MYO10: variants seen among roughly 807,000 people sequenced by gnomAD.
MYO10 encodes myosin X.
In MYO10, 133 loss-of-function variants were observed where a neutral mutation model predicts 257.3. The ratio of observed to expected loss-of-function variants is 0.52; its 90% CI spans 0.45 to 0.60. The LOEUF is 0.60. MYO10 is among the 20% of genes least tolerant of loss of function. The pLI is 0.00. For missense variants in MYO10, 2,399 were observed against 2,635.7 expected (o/e 0.91, Z 1.97); for synonymous variants, 1,104 against 1,028.6 (o/e 1.07, Z -1.40).
At chr5:16,846,241 C>T (rs1743631991) in intron 2 of MYO10, among the ~76,000 whole-genome samples, 2 of 152,180 alleles carry the variant, frequency 1.3e-5, no homozygotes, top group African/African-American at 2.4e-5. Context: ...ATAACACTAC[C>T]GTCTCTAAGT....
At chr5:16,683,613 T>G (rs773198080) in intron 30 of MYO10, among the ~76,000 whole-genome samples, 7 of 152,176 alleles carry the variant, frequency 4.6e-5, no homozygotes, top group Non-Finnish European at 1.0e-4. Context: ...GTATACACAT[T>G]AAAAATATTC....
At chr5:16,811,017 C>T (rs553592103) in intron 3 of MYO10, among the ~76,000 whole-genome samples, 174 of 146,404 alleles carry the variant, frequency 1.2e-3, no homozygotes, top group South Asian at 2.6e-3. Context: ...TGCAGTGAGC[C>T]GACATGGCAC....
At chr5:16,667,264 A>G (rs916901814) in intron 40 of MYO10, among the ~76,000 whole-genome samples, 1 of 152,148 alleles carries the variant, frequency 6.6e-6, no homozygotes, top group African/African-American at 2.4e-5. Flanking sequence ...GAGAGCGGCC[A>G]GCTCCCCAGA....
intron 9 of MYO10, among the ~76,000 whole-genome samples, chr5:16,778,570 G>A (rs1358574746): frequency 6.6e-6 from 1 of 152,132 alleles, no homozygotes; most frequent in Non-Finnish European, 1.5e-5. Flanking sequence ...AGTGGGTGGG[G>A]CCACGGGGAA....
At chr5:16,758,069 T>G in intron 18 of MYO10, 49 bp downstream of exon 18, 1 of 1,394,978 alleles carries the variant, frequency 7.2e-7, no homozygotes, top group Non-Finnish European at 1.0e-6. Flanking sequence ...TTTCAGTTCT[T>G]AAAAATACAG....
chr5:16,854,535 G>C (rs1743904072), intron 2 of MYO10, among the ~76,000 whole-genome samples: 1 of 152,132 alleles, frequency 6.6e-6, no homozygotes, highest in South Asian at 2.1e-4. Context: ...CCCAAGGCTG[G>C]GGGAGGAGTG....
chr5:16,910,831 A>C (rs932892418), intron 1 of MYO10, among the ~76,000 whole-genome samples: 4 of 152,174 alleles, frequency 2.6e-5, no homozygotes, highest in Non-Finnish European at 4.4e-5. Flanking sequence ...GAACCTTCCC[A>C]TTTATGCTAC....
chr5:16,925,661 C>T (rs902772079), intron 1 of MYO10, among the ~76,000 whole-genome samples: 4 of 152,198 alleles, frequency 2.6e-5, no homozygotes, highest in African/African-American at 9.7e-5. Flanking sequence ...ATCCACCCGC[C>T]TCGGCATCCC....
chr5:16,708,999 C>T (rs957696331), intron 21 of MYO10, among the ~76,000 whole-genome samples: 2 of 152,178 alleles, frequency 1.3e-5, no homozygotes, highest in Non-Finnish European at 1.5e-5. Context: ...TTTTTCAGCA[C>T]CTCATAGACA....
intron 2 of MYO10, among the ~76,000 whole-genome samples, chr5:16,874,359 G>GGGGTGT (rs1561031407): frequency 3.5e-5 from 1 of 28,500 alleles, no homozygotes; most frequent in Non-Finnish European, 7.0e-5. Context: ...GGGGGGGGGG[G>GGGGTGT]TTTCTTTTCT....
chr5:16,935,094 C>T (rs1040014996), intron 1 of MYO10, among the ~76,000 whole-genome samples: 10 of 152,198 alleles, frequency 6.6e-5, no homozygotes, highest in Non-Finnish European at 1.5e-5. Context: ...GTGTCCCACC[C>T]TCAACGACCC....
At chr5:16,877,361 G>C (rs181627601) in intron 2 of MYO10, among the ~76,000 whole-genome samples, 94 of 152,308 alleles carry the variant, frequency 6.2e-4, no homozygotes, top group African/African-American at 2.2e-3. Context: ...GGGAAACCAG[G>C]CCAGTGCCAT....
chr5:16,848,451 C>T (rs1272162212), intron 2 of MYO10, among the ~76,000 whole-genome samples: 6 of 152,054 alleles, frequency 3.9e-5, no homozygotes, highest in African/African-American at 1.5e-4. Context: ...TGAGCCATCG[C>T]ACCTGGCTAA....
At chr5:16,707,573 C>T (rs1018885527) in intron 21 of MYO10, among the ~76,000 whole-genome samples, 1 of 152,162 alleles carries the variant, frequency 6.6e-6, no homozygotes, top group Non-Finnish European at 1.5e-5. Context: ...TGCTTCATTG[C>T]CACAGAACTG....
intron 2 of MYO10, among the ~76,000 whole-genome samples, chr5:16,822,664 T>C (rs1460283153): frequency 7.2e-6 from 1 of 139,426 alleles, no homozygotes; most frequent in Non-Finnish European, 1.5e-5. Context: ...TTTGGAAATA[T>C]TTTTTTTTCT....
intron 2 of MYO10, among the ~76,000 whole-genome samples, chr5:16,853,079 A>T (rs931367743): frequency 4.6e-5 from 7 of 152,108 alleles, no homozygotes; most frequent in African/African-American, 1.7e-4. Flanking sequence ...AAAAATCATG[A>T]TCATATGTTG....
intron 2 of MYO10, among the ~76,000 whole-genome samples, chr5:16,830,097 G>A (rs1024725465): frequency 7.9e-5 from 12 of 152,014 alleles, no homozygotes; most frequent in South Asian, 4.2e-4. Context: ...TTAGCCGGGC[G>A]TCATGGTGCG....
At chr5:16,730,849 CGGAGGAT>C (rs1225776375) in intron 19 of MYO10, among the ~76,000 whole-genome samples, 1 of 152,006 alleles carries the variant, frequency 6.6e-6, no homozygotes, top group Non-Finnish European at 1.5e-5. Context: ...CAGCACGCTG[CGGAGGAT>C]GGAAGGTGGG....
rs776413488 is a variant in MYO10, at chr5:16,766,090, T to C, written c.1169A>G (p.Asn390Ser). Residue 390 changes from asparagine (N) to serine (S), a missense_variant, in exon 11 of 41, where the codon AAT (asparagine) becomes AGT (serine). Around this residue, in one of 3 missense-constraint regions of MYO10, gnomAD observed 337 missense variants for 446.8 expected, o/e 0.75. Coordinates refer to ENST00000513610, the MANE Select transcript of MYO10 (RefSeq NM_012334.3). ...LRGEEILTPL[N>S]VQQAVDSRDS... ...GCAAAGCGTGTGTACCTGTTGAACA[T>C]TGAGAGGCGTGAGGATCTCTTCTCC... is the stretch of plus-strand genomic sequence containing the variant. The C allele has an allele frequency of 8.1e-5, 131 of 1,608,512 alleles. No individual in the cohort carries two copies. Among genetic ancestry groups the C allele is most frequent in the Middle Eastern group, 1.6e-4 (1 of 6,070 alleles).
Sources: allele counts gnomAD v4.1 joint callset (sites outside exome capture counted in the v4.1 genomes callset), GRCh38; gene constraint gnomAD v4.1.1; regional missense constraint gnomAD v4.1.1; transcripts MANE v1.5; gene names NCBI Gene and HGNC (gene_info 2026-07-23, HGNC 2026-07-21).